Variants in ACOXL observed in about 807,000 individuals in gnomAD.
ACOXL encodes acyl-CoA oxidase like.
In ACOXL, 70 loss-of-function variants were observed where a neutral mutation model predicts 71.9. That is an observed-to-expected ratio of 0.97 (90% CI 0.80 to 1.19). ACOXL has a LOEUF of 1.19. Ranked by LOEUF, ACOXL falls within the 50% of genes most tolerant of loss-of-function variation. The probability of loss-of-function intolerance (pLI) is 0.00; values close to 1 mark genes in which losing one functional copy is unlikely to be tolerated. For missense variants in ACOXL, 703 were observed against 736.3 expected (o/e 0.95, Z 0.52); for synonymous variants, 253 against 281.6 (o/e 0.90, Z 1.02).
chr2:110,913,951 C>T (rs974612710), intron 11 of ACOXL, among the ~76,000 whole-genome samples: 14 of 152,130 alleles, frequency 9.2e-5, no homozygotes, highest in African/African-American at 2.9e-4. Context: ...TCACCTCCAA[C>T]ATTGGGAATT....
chr2:110,846,667 A>ACACACACACACACACACACC, intron 10 of ACOXL, among the ~76,000 whole-genome samples: 1 of 151,900 alleles, frequency 6.6e-6, no homozygotes, highest in Admixed American at 6.6e-5. Context: ...ACACACACAC[A>ACACACACACACACACACACC]CACACACAGT....
At chr2:110,941,551 A>G (rs1026663131) in intron 12 of ACOXL, among the ~76,000 whole-genome samples, 4 of 152,178 alleles carry the variant, frequency 2.6e-5, no homozygotes, top group Non-Finnish European at 5.9e-5. Flanking sequence ...ATTTGCCCTC[A>G]TATCTGCCTA....
intron 16 of ACOXL, among the ~76,000 whole-genome samples, chr2:111,070,614 C>T (rs911875409): frequency 7.2e-5 from 11 of 152,048 alleles, no homozygotes; most frequent in African/African-American, 2.4e-4. Flanking sequence ...ACCTATATTA[C>T]AAACCTGCAC....
chr2:111,073,479 G>T (rs1224217254), intron 16 of ACOXL, among the ~76,000 whole-genome samples: 2 of 152,012 alleles, frequency 1.3e-5, no homozygotes, highest in African/African-American at 4.8e-5. Flanking sequence ...TTTGACTATT[G>T]TGATATCAAA....
At chr2:110,760,230 C>T (rs1206215127) in intron 1 of ACOXL, among the ~76,000 whole-genome samples, 4 of 151,656 alleles carry the variant, frequency 2.6e-5, no homozygotes, top group Middle Eastern at 3.2e-3. Context: ...AGCTCCACCT[C>T]TTGGGTTCAC....
At chr2:110,838,911 C>G (rs1186877971) in intron 9 of ACOXL, among the ~76,000 whole-genome samples, 2 of 152,228 alleles carry the variant, frequency 1.3e-5, no homozygotes, top group African/African-American at 2.4e-5. Context: ...GGAGCCCTGG[C>G]TGCTGTGTCG....
At chr2:111,059,853 AGAG>A (rs148170981) in intron 16 of ACOXL, among the ~76,000 whole-genome samples, 2,487 of 151,582 alleles carry the variant, frequency 0.016, 65 homozygotes, top group African/African-American at 0.058. Context: ...GAGGAGAAGA[AGAG>A]GAGGTAAATG....
chr2:111,054,829 C>A (rs2066456472), intron 16 of ACOXL, among the ~76,000 whole-genome samples: 1 of 152,142 alleles, frequency 6.6e-6, no homozygotes, highest in Non-Finnish European at 1.5e-5. Flanking sequence ...TCTTCCCAGG[C>A]GAAGGCATTT....
chr2:110,903,059 G>A (rs2149211088), intron 10 of ACOXL, among the ~76,000 whole-genome samples: 1 of 152,366 alleles, frequency 6.6e-6, no homozygotes, highest in Admixed American at 6.5e-5. Flanking sequence ...CTGCAAACAA[G>A]TTTGCACCCT....
intron 14 of ACOXL, chr2:111,018,020 T>TA (rs2064546113): frequency 6.6e-6 from 1 of 152,164 alleles, no homozygotes; most frequent in Non-Finnish European, 1.5e-5. Context: ...GTAAAATACA[T>TA]AAAAATGCTT....
rs912010252 is a variant in ACOXL, at chr2:111,117,900, G to A, written c.*84G>A. On this transcript the variant is annotated 3_prime_UTR_variant, in exon 18 of 18. Coordinates refer to ENST00000439055, the MANE Select transcript of ACOXL (RefSeq NM_001142807.4). ...ACGCCCAGAGCTGTGGCCGAGGCCG[G>A]GGGCTGGCACCCGCTGGGCCGCCAC... The A allele has an allele frequency of 1.5e-5, 22 of 1,432,584 alleles. No individual in the cohort carries two copies. Among genetic ancestry groups the A allele is most frequent in the Non-Finnish European group, 1.9e-5 (20 of 1,079,058 alleles). 88.7% of individuals were successfully genotyped at this position (1,432,584 alleles called of 1,614,324 possible).
intron 9 of ACOXL, among the ~76,000 whole-genome samples, chr2:110,837,786 T>C (rs1174024740): frequency 6.6e-6 from 1 of 152,204 alleles, no homozygotes; most frequent in Non-Finnish European, 1.5e-5. Context: ...ACAAATTGTG[T>C]AAATCTAAAA....
intron 16 of ACOXL, among the ~76,000 whole-genome samples, chr2:111,077,391 C>A (rs2067657413): frequency 6.6e-6 from 1 of 152,148 alleles, no homozygotes. Context: ...CACCTACATA[C>A]CCTGGAAACC....
chr2:110,932,743 G>C (rs925743566), intron 11 of ACOXL, among the ~76,000 whole-genome samples: 1 of 152,220 alleles, frequency 6.6e-6, no homozygotes, highest in Non-Finnish European at 1.5e-5. Flanking sequence ...GTCCCACTTT[G>C]TGCTGGGTCA....
chr2:110,939,176 T>G (rs1332510093), intron 12 of ACOXL, among the ~76,000 whole-genome samples: 1 of 152,248 alleles, frequency 6.6e-6, no homozygotes, highest in Non-Finnish European at 1.5e-5. Context: ...TTTGTTGCTA[T>G]AGCCTAAAAT....
At chr2:111,097,162 A>C (rs1319049666) in intron 17 of ACOXL, among the ~76,000 whole-genome samples, 1 of 152,150 alleles carries the variant, frequency 6.6e-6, no homozygotes. Flanking sequence ...GTTTTGTCAG[A>C]TCATTGATGC....
chr2:110,764,112 G>A (rs910188166), intron 1 of ACOXL, among the ~76,000 whole-genome samples: 25 of 152,294 alleles, frequency 1.6e-4, no homozygotes, highest in African/African-American at 6.0e-4. Context: ...TGCTTTGGAA[G>A]ATAGTTTGGT....
Position 111,117,705 on chromosome 2 carries a change from C to A in ACOXL, c.1632C>A (p.Ile544=). 1 of 1,551,788 alleles carries A rather than the reference C, an allele frequency of 6.4e-7. No individual in the cohort carries two copies. The highest frequency in any genetic ancestry group is 1.2e-5 in the South Asian group (1 of 84,068). ...NIPHTYLHAP[I]AGISNPRAAW... ...CACACACCTACCTCCACGCACCAAT[C>A]GCCGGAATCTCCAACCCGCGGGCCG... Residue 544 remains isoleucine, a synonymous_variant, in exon 18 of 18, where the codon ATC becomes ATA. Transcript: ENST00000439055.
At chr2:110,979,284 GC>G (rs961448701) in intron 12 of ACOXL, among the ~76,000 whole-genome samples, 20 of 152,152 alleles carry the variant, frequency 1.3e-4, no homozygotes, top group African/African-American at 4.3e-4. Flanking sequence ...GGGCCTGTCT[GC>G]CCTTGAGTCC....
Sources: gnomAD v4.1 joint callset for allele counts (sites outside exome capture counted in the v4.1 genomes callset) on GRCh38, gnomAD v4.1.1 for gene constraint, MANE v1.5 for transcripts, NCBI Gene and HGNC (gene_info 2026-07-23, HGNC 2026-07-21) for gene names.